CPVL: variants seen among roughly 807,000 people sequenced by gnomAD.
CPVL encodes the protein carboxypeptidase vitellogenic like.
A neutral mutation model predicts 63.7 loss-of-function variants in CPVL; 51 were observed. The ratio of observed to expected loss-of-function variants is 0.80; its 90% CI spans 0.64 to 1.01. CPVL has a LOEUF of 1.01. CPVL is among the 50% of genes least tolerant of loss of function. The pLI, the probability that CPVL is intolerant of heterozygous loss-of-function variation, is 0.00. For missense variants in CPVL, 530 were observed against 573.1 expected, an observed-to-expected ratio of 0.92 and a Z score of 0.77; for synonymous variants, 195 against 206.0, an observed-to-expected ratio of 0.95 and a Z score of 0.46.
Position 29,121,095 on chromosome 7 carries a change from A to C in CPVL, c.-10-24T>G, listed in dbSNP as rs779080571. On this transcript the variant is annotated intron_variant, in intron 1 of 12. Transcript: ENST00000265394. ...GTCTAGGATAAAAACAGCATTCCAAAAATGAATCATAAGAGTAAATATTTA... is the reference window on the plus strand; with the variant it reads ...GTCTAGGATAAAAACAGCATTCCAACAATGAATCATAAGAGTAAATATTTA... 6 of 1,548,480 alleles carry C rather than the reference A, an allele frequency of 3.9e-6. No individual in the cohort carries two copies. In the East Asian group the frequency reaches 1.4e-4, roughly 36 times the overall value.
chr7:28,999,572 C>T (rs1784407124), intron 12 of CPVL, among the ~76,000 whole-genome samples: 1 of 152,202 alleles, frequency 6.6e-6, no homozygotes, highest in African/African-American at 2.4e-5. Flanking sequence ...TACTCACGCA[C>T]ATGCGCACTC....
At chr7:29,189,119 T>TACTAA (rs1311726901) in intron 1 of CPVL, among the ~76,000 whole-genome samples, 9 of 151,936 alleles carry the variant, frequency 5.9e-5, no homozygotes, top group Non-Finnish European at 1.2e-4. Flanking sequence ...CCTGGCTAAT[T>TACTAA]TTTATATTTT....
At chr7:29,117,516 A>G (rs987429225) in intron 2 of CPVL, among the ~76,000 whole-genome samples, 1 of 152,216 alleles carries the variant, frequency 6.6e-6, no homozygotes, top group Non-Finnish European at 1.5e-5. Context: ...CTGGTCATAC[A>G]GCATAGTGGT....
At chr7:29,120,818 CAA>C (rs375039373) in intron 2 of CPVL, 73 bp downstream of exon 2, 115,685 of 955,890 alleles carry the variant, frequency 0.12, 818 homozygotes, top group Middle Eastern at 0.13. Context: ...GACTTCGTCT[CAA>C]AAAAAAAAAA....
chr7:29,027,560 G>T (rs565577216), intron 12 of CPVL, among the ~76,000 whole-genome samples: 1 of 152,032 alleles, frequency 6.6e-6, no homozygotes, highest in Non-Finnish European at 1.5e-5. Context: ...CAGCTGACAC[G>T]ATCTTTTATA....
upstream of CPVL, chr7:29,146,612 C>T (rs1022857906): frequency 5.2e-6 from 8 of 1,550,294 alleles, no homozygotes; most frequent in Non-Finnish European, 5.2e-6. Flanking sequence ...GCAAAAAGTG[C>T]GTCGTCGTGT....
At chr7:29,078,138 T>C (rs1562757024) in intron 7 of CPVL, among the ~76,000 whole-genome samples, 1 of 152,210 alleles carries the variant, frequency 6.6e-6, no homozygotes, top group Admixed American at 6.5e-5. Flanking sequence ...AGAATATGAC[T>C]TTATCAAAGT....
At chr7:29,180,114 C>T (rs181462597) in intron 5 of CPVL, among the ~76,000 whole-genome samples, 4 of 152,028 alleles carry the variant, frequency 2.6e-5, no homozygotes, top group Admixed American at 6.6e-5. Context: ...CTTAATATTC[C>T]GAAGTCAATC....
chr7:29,156,180 C>A (rs987024111), intron 5 of CPVL, among the ~76,000 whole-genome samples: 2 of 152,126 alleles, frequency 1.3e-5, no homozygotes, highest in Non-Finnish European at 2.9e-5. Context: ...ATCTTCCATT[C>A]CCCCACTGGA....
rs867121498 is a variant in CPVL at position 28,996,100 on chromosome 7, G to A, written c.1321-218C>T. On this transcript the variant is annotated intron_variant, in intron 12 of 12. Coordinates refer to ENST00000265394, the MANE Select transcript of CPVL (RefSeq NM_031311.5). ...AGTTTTAAAGCTTAGTTAATTTTAC[G>A]CAAAGTTGTATTCTTTTCTCATGAG... 28 of 462,822 alleles carry A rather than the reference G, an allele frequency of 6.0e-5. 1 individual carries two copies. The highest frequency in any genetic ancestry group is 5.5e-4 in the Middle Eastern group (1 of 1,808). The allele number at this position is 462,822 out of a possible 1,614,324, so 28.7% of individuals were successfully genotyped here. A position where few individuals can be genotyped will look rare whatever the true frequency, so the allele number is the denominator to read the frequency against.
intron 5 of CPVL, among the ~76,000 whole-genome samples, chr7:29,172,794 G>A (rs1191112291): frequency 6.6e-6 from 1 of 151,560 alleles, no homozygotes; most frequent in Non-Finnish European, 1.5e-5. Flanking sequence ...TTCAACTTCT[G>A]TTTCCAGCTG....
intron 12 of CPVL, among the ~76,000 whole-genome samples, chr7:29,020,303 G>A (rs1339884492): frequency 6.6e-6 from 1 of 152,128 alleles, no homozygotes; most frequent in Non-Finnish European, 1.5e-5. Context: ...CAGATGGGGG[G>A]AGGTAACATG....
chr7:29,169,104 T>C (rs11979687), intron 5 of CPVL, among the ~76,000 whole-genome samples: 25,094 of 152,124 alleles, frequency 0.16, 2,389 homozygotes, highest in African/African-American at 0.25. Flanking sequence ...GAATAAAACA[T>C]GGAATTTTCC....
At chr7:29,021,012 C>T (rs1369196162) in intron 12 of CPVL, among the ~76,000 whole-genome samples, 1 of 152,114 alleles carries the variant, frequency 6.6e-6, no homozygotes, top group Non-Finnish European at 1.5e-5. Flanking sequence ...CCTGTATCTA[C>T]TAAAAATACA....
intron 2 of CPVL, among the ~76,000 whole-genome samples, chr7:29,117,451 C>T (rs1450176443): frequency 2.0e-5 from 3 of 152,194 alleles, no homozygotes; most frequent in East Asian, 1.9e-4. Context: ...TCATTTGGTA[C>T]GCACAGACCT....
intron 3 of CPVL, among the ~76,000 whole-genome samples, chr7:29,101,619 T>C (rs2128618506): frequency 6.6e-6 from 1 of 152,304 alleles, no homozygotes; most frequent in African/African-American, 2.4e-5. Flanking sequence ...TTTAAAATTT[T>C]TCTTAAAACT....
chr7:29,075,938 A>G (rs317714), intron 7 of CPVL, among the ~76,000 whole-genome samples: 140,264 of 142,206 alleles, frequency 0.99, 69,220 homozygotes, highest in African/African-American at 1. Context: ...AGTTATTTTC[A>G]CTCTCCTTGT....
At chr7:29,016,214 G>T (rs538811785) in intron 12 of CPVL, among the ~76,000 whole-genome samples, 23 of 152,128 alleles carry the variant, frequency 1.5e-4, no homozygotes, top group African/African-American at 4.8e-4. Context: ...AGCCAGATGT[G>T]GTGGTGGGGA....
At chr7:29,053,612 A>AT (rs1271663841) in intron 11 of CPVL, among the ~76,000 whole-genome samples, 8 of 152,110 alleles carry the variant, frequency 5.3e-5, no homozygotes, top group Admixed American at 4.6e-4. Context: ...TGAATAGGGG[A>AT]TTTTTTCTTT....
Sources: allele counts gnomAD v4.1 joint callset (sites outside exome capture counted in the v4.1 genomes callset), GRCh38; gene constraint gnomAD v4.1.1; transcripts MANE v1.5; gene names NCBI Gene and HGNC (gene_info 2026-07-23, HGNC 2026-07-21).